GALNT13: variants seen among roughly 807,000 people sequenced by gnomAD.
GALNT13 encodes the protein UDP-GalNAc:polypeptide N-acetylgalactosaminyltransferase 13.
In GALNT13, 28 loss-of-function variants were observed where a neutral mutation model predicts 64.2. That is an observed-to-expected ratio of 0.44 (90% confidence interval 0.32 to 0.60). GALNT13 has a LOEUF of 0.60. Among genes scored for constraint, GALNT13 ranks in the 20% least tolerant of loss-of-function variants. The probability of loss-of-function intolerance (pLI) is 0.05; values close to 1 mark genes in which losing one functional copy is unlikely to be tolerated. For missense variants in GALNT13, 577 were observed against 669.8 expected (o/e 0.86, Z 1.53); for synonymous variants, 214 against 224.6 (o/e 0.95, Z 0.42).
At chr2:154,138,287 G>C (rs575744967) in intron 3 of GALNT13, among the ~76,000 whole-genome samples, 3 of 152,044 alleles carry the variant, frequency 2.0e-5, no homozygotes, top group Admixed American at 2.0e-4. Flanking sequence ...AAATACATTT[G>C]TATGCTCTTT....
the GALNT13 span, among the ~76,000 whole-genome samples, chr2:153,852,038 CAG>C: frequency 6.6e-6 from 1 of 151,950 alleles, no homozygotes; most frequent in Non-Finnish European, 1.5e-5. Flanking sequence ...GCCAAAATAA[CAG>C]AGCGTTGCAG....
intron 3 of GALNT13, among the ~76,000 whole-genome samples, chr2:153,992,694 A>C (rs1342841665): frequency 6.6e-6 from 1 of 152,156 alleles, no homozygotes; most frequent in Admixed American, 6.6e-5. Context: ...TTTGCAATAT[A>C]TTGTCATGGG....
At chr2:153,171,733 T>G in the GALNT13 span, among the ~76,000 whole-genome samples, 1 of 152,208 alleles carries the variant, frequency 6.6e-6, no homozygotes, top group Non-Finnish European at 1.5e-5. Flanking sequence ...ATGACACAGC[T>G]GAGCACTAAA....
the GALNT13 span, among the ~76,000 whole-genome samples, chr2:153,529,669 A>G: frequency 6.6e-6 from 1 of 152,086 alleles, no homozygotes. Context: ...AAATACTAGC[A>G]AACCAAATTC....
chr2:153,913,984 T>C (rs568729112), intron 2 of GALNT13, among the ~76,000 whole-genome samples: 1 of 152,340 alleles, frequency 6.6e-6, no homozygotes, highest in African/African-American at 2.4e-5. Flanking sequence ...CATGTTTAAA[T>C]ATCGCCCTTG....
At chr2:153,992,383 A>G (rs1695218414) in intron 3 of GALNT13, among the ~76,000 whole-genome samples, 1 of 152,224 alleles carries the variant, frequency 6.6e-6, no homozygotes, top group Admixed American at 6.6e-5. Context: ...TGAAAATAAA[A>G]TAAAAGTGAA....
the GALNT13 span, among the ~76,000 whole-genome samples, chr2:153,315,415 CA>C: frequency 6.6e-6 from 1 of 152,188 alleles, no homozygotes. Flanking sequence ...CCAGGAGCCC[CA>C]CTTTCTAATA....
chr2:153,787,294 G>T, the GALNT13 span, among the ~76,000 whole-genome samples: 2 of 152,072 alleles, frequency 1.3e-5, no homozygotes, highest in Admixed American at 6.5e-5. Flanking sequence ...CTACACTTAA[G>T]TGCCACCTAC....
At chr2:154,368,832 A>G (rs970561983) in intron 9 of GALNT13, among the ~76,000 whole-genome samples, 20 of 152,154 alleles carry the variant, frequency 1.3e-4, no homozygotes, top group Admixed American at 6.5e-5. Flanking sequence ...CTTTTTGGTA[A>G]CTGGTAAGAG....
chr2:153,129,349 C>T, the GALNT13 span, among the ~76,000 whole-genome samples: 1 of 152,092 alleles, frequency 6.6e-6, no homozygotes, highest in African/African-American at 2.4e-5. Context: ...AACCAAAAGT[C>T]CCAACCCAAG....
In GALNT13 at chr2:153,921,557, C is replaced by T. The variant is rs137937668; in HGVS notation, c.-105+20550C>T. Reference sequence around the variant, plus strand: ...GATGAAATAATCTGTACACCAGTCCCCTGTGACAAGCAATTTACCTGTATA... The same window carrying T: ...GATGAAATAATCTGTACACCAGTCCTCTGTGACAAGCAATTTACCTGTATA... On this transcript the variant is annotated intron_variant, in intron 2 of 12. Coordinates refer to ENST00000392825, the MANE Select transcript of GALNT13 (RefSeq NM_052917.4). Among the ~76,000 whole-genome samples the T allele has an allele frequency of 5.4e-3, 821 of 152,146 alleles. 5 individuals are homozygous for T. The highest frequency in any genetic ancestry group is 0.018 in the African/African-American group (754 of 41,512).
intron 3 of GALNT13, among the ~76,000 whole-genome samples, chr2:154,063,419 C>T (rs1357439721): frequency 6.6e-6 from 1 of 152,100 alleles, no homozygotes; most frequent in Non-Finnish European, 1.5e-5. Flanking sequence ...TTGCAAATTC[C>T]ATACCCACAG....
chr2:154,044,331 A>T lies in GALNT13; in HGVS notation c.143-96006A>T, dbSNP rs185006057. On this transcript the variant is annotated intron_variant, in intron 3 of 12. Coordinates refer to ENST00000392825, the MANE Select transcript of GALNT13 (RefSeq NM_052917.4). ...AAGCTCAAGAGTAGAAACCTTGATT[A>T]AAAAGATACCTCGTCAATTATCTGA... 5.9e-5 allele frequency among the ~76,000 whole-genome samples: 9 copies of T among 152,316 alleles called. No individual in the cohort carries two copies. In the East Asian group the frequency reaches 1.2e-3, roughly 20 times the overall value.
At chr2:153,800,272 GT>G in the GALNT13 span, among the ~76,000 whole-genome samples, 1 of 151,962 alleles carries the variant, frequency 6.6e-6, no homozygotes, top group Admixed American at 6.6e-5. Flanking sequence ...GTATTATTAT[GT>G]CTATAAATTC....
the GALNT13 span, among the ~76,000 whole-genome samples, chr2:153,650,153 T>C: frequency 1.3e-5 from 2 of 152,212 alleles, no homozygotes; most frequent in African/African-American, 4.8e-5. Context: ...TGCTTCTGTA[T>C]TGGGTGAATA....
chr2:154,200,614 G>A (rs1687121672), intron 4 of GALNT13, among the ~76,000 whole-genome samples: 4 of 152,286 alleles, frequency 2.6e-5, no homozygotes, highest in East Asian at 1.9e-4. Context: ...ATCTGGAAGA[G>A]AGGAATGCTA....
At chr2:153,952,088 T>A (rs1362353425) in intron 3 of GALNT13, among the ~76,000 whole-genome samples, 1 of 152,164 alleles carries the variant, frequency 6.6e-6, no homozygotes. Flanking sequence ...GGAATTAAAG[T>A]GCACTAAAGA....
the GALNT13 span, among the ~76,000 whole-genome samples, chr2:153,281,660 G>A: frequency 6.6e-6 from 1 of 152,058 alleles, no homozygotes; most frequent in African/African-American, 2.4e-5. Context: ...GCTTAATCTA[G>A]TGAGATATAA....
the GALNT13 span, among the ~76,000 whole-genome samples, chr2:153,094,576 C>A: frequency 1.3e-5 from 2 of 152,126 alleles, no homozygotes; most frequent in Non-Finnish European, 2.9e-5. Flanking sequence ...GCCCGCATTG[C>A]CAAGACAATC....
Sources: allele counts gnomAD v4.1 joint callset (sites outside exome capture counted in the v4.1 genomes callset), GRCh38; gene constraint gnomAD v4.1.1; transcripts MANE v1.5; gene names NCBI Gene and HGNC (gene_info 2026-07-23, HGNC 2026-07-21).